The following COL28A1 variants were observed in gnomAD, a reference collection of about 807,000 sequenced individuals.
COL28A1 encodes the protein collagen alpha-1(XXVIII) chain.
Under a neutral mutation model 150.2 loss-of-function variants are expected in COL28A1, and 161 were observed. The observed-to-expected ratio is 1.07, with a 90% confidence interval of 0.94 to 1.22. The LOEUF is 1.22. Among genes scored for constraint, COL28A1 ranks in the 50% most tolerant of loss-of-function variants. The pLI is 0.00. For missense variants in COL28A1, 1,617 were observed against 1,388.3 expected, an observed-to-expected ratio of 1.16 and a Z score of -2.62; for synonymous variants, 552 against 469.7, an observed-to-expected ratio of 1.18 and a Z score of -2.26.
intron 11 of COL28A1, among the ~76,000 whole-genome samples, chr7:7,491,593 T>C (rs547860209): frequency 8.5e-5 from 13 of 152,368 alleles, no homozygotes; most frequent in African/African-American, 3.1e-4. Context: ...TAGCCTATGA[T>C]GTGGCAAGCC....
chr7:7,425,124 T>C (rs143151963), intron 25 of COL28A1, among the ~76,000 whole-genome samples: 3 of 151,780 alleles, frequency 2.0e-5, no homozygotes, highest in East Asian at 3.9e-4. Flanking sequence ...CAGCAGGAAG[T>C]TTTCATTCAT....
upstream of COL28A1, among the ~76,000 whole-genome samples, chr7:7,537,649 G>A (rs116424247): frequency 8.1e-3 from 1,228 of 152,228 alleles, 12 homozygotes; most frequent in African/African-American, 0.028. Flanking sequence ...GTATCTATGC[G>A]AACGTCTGTG....
upstream of COL28A1, among the ~76,000 whole-genome samples, chr7:7,537,567 T>G (rs115286549): frequency 2.9e-3 from 434 of 152,276 alleles, 1 homozygote; most frequent in African/African-American, 1.0e-2. Flanking sequence ...AACCAGAGAA[T>G]GGCAAAATGA....
chr7:7,543,482 A>T, the COL28A1 span, among the ~76,000 whole-genome samples: 2 of 152,326 alleles, frequency 1.3e-5, no homozygotes, highest in East Asian at 3.9e-4. Context: ...CCTAGACAAT[A>T]AATAAGACAG....
chr7:7,542,306 G>A, the COL28A1 span, among the ~76,000 whole-genome samples: 1 of 152,156 alleles, frequency 6.6e-6, no homozygotes, highest in African/African-American at 2.4e-5. Flanking sequence ...ACTCCGGCCT[G>A]GCCACAGAGT....
At chr7:7,341,291 C>A in the COL28A1 span, among the ~76,000 whole-genome samples, 1 of 152,164 alleles carries the variant, frequency 6.6e-6, no homozygotes, top group African/African-American at 2.4e-5. Flanking sequence ...CTTCACTGAT[C>A]ATATCTATTC....
chr7:7,459,490 C>T lies in COL28A1; in HGVS notation c.1303-3378G>A, dbSNP rs151246828. Among the ~76,000 whole-genome samples the T allele has an allele frequency of 4.7e-3, 709 of 152,292 alleles. 5 individuals carry two copies. Among genetic ancestry groups the T allele is most frequent in the East Asian group, 0.022 (115 of 5,192 alleles). ...GATAATCATGAATATCAATTGTTAT[C>T]CTAATATAATATACAATATAATTAT... On this transcript the variant is annotated intron_variant, in intron 15 of 34. Coordinates refer to ENST00000399429, the MANE Select transcript of COL28A1 (RefSeq NM_001037763.3).
chr7:7,373,538 G>A lies in COL28A1; in HGVS notation c.2368C>T (p.Pro790Ser). The change falls in exon 32 of 35, where the codon CCC (proline) becomes TCC (serine). Residue 790 changes from proline (P) to serine (S), a missense_variant. By Grantham distance (74) the Pro-to-Ser change is moderately conservative. Coordinates refer to ENST00000399429, the MANE Select transcript of COL28A1 (RefSeq NM_001037763.3). The surrounding 1 kb of genome is among the most constrained non-coding windows in gnomAD (Gnocchi z 4.1). ...KLITEICGCG[P>S]KCKETPLELV... The stretch of plus-strand genomic sequence containing the variant: ...TCTAGTGGAGTCTCTTTGCATTTGG[G>A]CCCACAACCTAAAAGATGAATGTTG... 1.2e-6 allele frequency: 2 copies of A among 1,607,868 alleles called. No homozygotes were observed. The highest frequency in any genetic ancestry group is 1.7e-6 in the Non-Finnish European group (2 of 1,176,782).
chr7:7,389,029 G>C (rs1583271582), intron 27 of COL28A1, among the ~76,000 whole-genome samples: 1 of 152,064 alleles, frequency 6.6e-6, no homozygotes, highest in East Asian at 1.9e-4. Context: ...TTTGGCTTTG[G>C]TCGCCATTGC....
Position 7,507,990 on chromosome 7 carries a change from T to C in COL28A1, c.928-829A>G, listed in dbSNP as rs571844970. 3.6e-4 allele frequency among the ~76,000 whole-genome samples: 55 copies of C among 152,288 alleles called. 1 individual carries two copies. The East Asian group carries it at 8.3e-3, about 23-fold the overall frequency. ...GCTCACGCCTGTAATCCCAGCACTT[T>C]GGGAGGCCGAGGCGGGCGGATCACG... On this transcript the variant is annotated intron_variant, in intron 9 of 34. Coordinates refer to ENST00000399429, the MANE Select transcript of COL28A1 (RefSeq NM_001037763.3).
At chr7:7,351,712 G>C (rs929305633), downstream of COL28A1, among the ~76,000 whole-genome samples, 1 of 151,848 alleles carries the variant, frequency 6.6e-6, no homozygotes, top group African/African-American at 2.4e-5. Context: ...CATTAAATCA[G>C]TCCAATATTT....
At chr7:7,533,848 T>C (rs1782501716) in intron 1 of COL28A1, among the ~76,000 whole-genome samples, 2 of 152,184 alleles carry the variant, frequency 1.3e-5, no homozygotes, top group Non-Finnish European at 2.9e-5. Flanking sequence ...ACGAGAAAGC[T>C]TATTTCGAAT....
rs191832324 is a variant in COL28A1, at chr7:7,404,431, T to C, written c.2136+13428A>G. ...AAGGACCTAAGAAGGCCTATGTGGC[T>C]ATAGGCCCACCCCAAATTCACTGCT... is the stretch of plus-strand genomic sequence containing the variant. On this transcript the variant is annotated intron_variant, in intron 27 of 34. Coordinates refer to ENST00000399429, the MANE Select transcript of COL28A1 (RefSeq NM_001037763.3). Among the ~76,000 whole-genome samples, 604 of 152,232 alleles carry C rather than the reference T, an allele frequency of 4.0e-3. 3 individuals are homozygous for C. The highest frequency in any genetic ancestry group is 6.6e-3 in the Non-Finnish European group (452 of 68,008).
At chr7:7,541,712 T>A in the COL28A1 span, among the ~76,000 whole-genome samples, 1 of 152,204 alleles carries the variant, frequency 6.6e-6, no homozygotes, top group Non-Finnish European at 1.5e-5. Flanking sequence ...TTTCTACAGC[T>A]TTTTTGGGCA....
At chr7:7,453,841 G>C (rs1268677274) in intron 16 of COL28A1, among the ~76,000 whole-genome samples, 2 of 149,738 alleles carry the variant, frequency 1.3e-5, no homozygotes, top group African/African-American at 5.1e-5. Flanking sequence ...TAAAAGAAGA[G>C]GTATGCCTTC....
the COL28A1 span, among the ~76,000 whole-genome samples, chr7:7,543,773 A>T: frequency 6.6e-6 from 1 of 151,360 alleles, no homozygotes; most frequent in Non-Finnish European, 1.5e-5. Context: ...TTGTAAGTTA[A>T]ATATATAATA....
chr7:7,370,913 G>A (rs749095108), intron 32 of COL28A1, 31 bp from the exon 33 acceptor site: 1 of 1,470,722 alleles, frequency 6.8e-7, no homozygotes, highest in Non-Finnish European at 9.5e-7. Flanking sequence ...AAGAGAGATA[G>A]TAGAAGCAAT....
intron 27 of COL28A1, among the ~76,000 whole-genome samples, chr7:7,396,063 G>A (rs759361951): frequency 1.6e-4 from 25 of 152,186 alleles, no homozygotes; most frequent in Non-Finnish European, 1.9e-4. Flanking sequence ...TTTCTGCTTT[G>A]TGAGTACAGC....
intron 27 of COL28A1, among the ~76,000 whole-genome samples, chr7:7,404,626 C>T (rs1386786977): frequency 2.0e-5 from 3 of 152,112 alleles, no homozygotes; most frequent in African/African-American, 7.2e-5. Flanking sequence ...CCGGTCTCTG[C>T]TCAGATATTA....
Sources: allele counts gnomAD v4.1 joint callset (sites outside exome capture counted in the v4.1 genomes callset), GRCh38; gene constraint gnomAD v4.1.1; non-coding constraint Gnocchi (gnomAD v3.1); transcripts MANE v1.5; gene names NCBI Gene and HGNC (gene_info 2026-07-23, HGNC 2026-07-21).